The following CTNNA3 variants were observed in gnomAD, a reference collection of about 807,000 sequenced individuals.
CTNNA3 encodes catenin alpha 3, also known as catenin alpha-3.
Under a neutral mutation model 95.7 loss-of-function variants are expected in CTNNA3, and 76 were observed. The observed-to-expected ratio is 0.79, with a 90% CI of 0.66 to 0.96. The LOEUF is 0.96. CTNNA3 is among the 40% of genes least tolerant of loss of function. The probability of loss-of-function intolerance (pLI) is 0.00; values close to 1 mark genes in which losing one functional copy is unlikely to be tolerated. For missense variants in CTNNA3, 1,191 were observed against 1,089.8 expected, an observed-to-expected ratio of 1.09 and a Z score of -1.31; for synonymous variants, 431 against 374.4, an observed-to-expected ratio of 1.15 and a Z score of -1.74.
At chr10:66,181,596 C>T (rs984732498) in intron 13 of CTNNA3, among the ~76,000 whole-genome samples, 5 of 151,996 alleles carry the variant, frequency 3.3e-5, no homozygotes, top group Non-Finnish European at 7.4e-5. Flanking sequence ...TTGTAAAAGC[C>T]CCATTATTAT....
rs549854247 is a variant in CTNNA3 at position 67,607,678 on chromosome 10, G to A, written c.100-629C>T. The stretch of plus-strand genomic sequence containing the variant: ...CATAGTAACATGACTCATTTCCAGT[G>A]CTGTTGGTACACCTACAAAAGTCAA... On this transcript the variant is annotated intron_variant, in intron 2 of 17. Coordinates refer to ENST00000433211, the MANE Select transcript of CTNNA3 (RefSeq NM_013266.4). Among the ~76,000 whole-genome samples the A allele has an allele frequency of 5.3e-5, 8 of 152,294 alleles. 1 individual carries two copies. In the South Asian group the frequency reaches 1.7e-3, roughly 32 times the overall value.
chr10:67,033,349 T>C (rs943483977), intron 7 of CTNNA3, among the ~76,000 whole-genome samples: 2 of 152,206 alleles, frequency 1.3e-5, no homozygotes, highest in African/African-American at 2.4e-5. Flanking sequence ...CTGTGGCTCA[T>C]AGCACAGTTA....
intron 5 of CTNNA3, among the ~76,000 whole-genome samples, chr10:67,441,810 C>T (rs959396592): frequency 1.3e-5 from 2 of 152,048 alleles, no homozygotes; most frequent in African/African-American, 4.8e-5. Context: ...AAAGGGATCT[C>T]TTCAAGCAGA....
intron 9 of CTNNA3, among the ~76,000 whole-genome samples, chr10:66,733,091 T>C (rs1481721348): frequency 6.6e-6 from 1 of 151,508 alleles, no homozygotes; most frequent in East Asian, 2.0e-4. Context: ...CCACCACACC[T>C]GGTCAAGTCA....
intron 10 of CTNNA3, among the ~76,000 whole-genome samples, chr10:66,550,074 C>G (rs1031179378): frequency 6.6e-6 from 1 of 152,072 alleles, no homozygotes; most frequent in South Asian, 2.1e-4. Context: ...AATTGTCTAT[C>G]TCTTAAATTC....
chr10:66,923,732 C>G (rs1369192515), intron 7 of CTNNA3, among the ~76,000 whole-genome samples: 1 of 152,154 alleles, frequency 6.6e-6, no homozygotes, highest in African/African-American at 2.4e-5. Context: ...TATATACCTC[C>G]TTTAAGAATA....
intron 5 of CTNNA3, among the ~76,000 whole-genome samples, chr10:67,244,789 T>C (rs1054090109): frequency 6.6e-6 from 1 of 152,190 alleles, no homozygotes; most frequent in Non-Finnish European, 1.5e-5. Flanking sequence ...GGTATGAAAG[T>C]CAGTTGGCTT....
chr10:66,135,245 A>G (rs2083292780), intron 13 of CTNNA3, among the ~76,000 whole-genome samples: 1 of 152,194 alleles, frequency 6.6e-6, no homozygotes, highest in Admixed American at 6.5e-5. Context: ...AGGAACTAGA[A>G]CTGTTTGGAG....
chr10:66,077,614 T>C (rs1400588894), intron 14 of CTNNA3, among the ~76,000 whole-genome samples: 1 of 151,806 alleles, frequency 6.6e-6, no homozygotes, highest in Non-Finnish European at 1.5e-5. Flanking sequence ...GCATGTATCA[T>C]AATGACAGAA....
chr10:66,856,467 A>C lies in CTNNA3; in HGVS notation c.1048-80943T>G, dbSNP rs1464197973. On this transcript the variant is annotated intron_variant, in intron 7 of 17. Transcript: ENST00000433211. ...TGGATTAAATGGTAATTCTGTTTTT[A>C]GTTTCTTGAGAAATCACCAAACTAC... Among the ~76,000 whole-genome samples the C allele has an allele frequency of 3.3e-5, 5 of 152,058 alleles. No individual in the cohort carries two copies. The East Asian group carries it at 9.6e-4, about 29-fold the overall frequency.
intron 7 of CTNNA3, among the ~76,000 whole-genome samples, chr10:66,964,410 CT>C (rs1849290442): frequency 6.6e-6 from 1 of 151,658 alleles, no homozygotes; most frequent in African/African-American, 2.4e-5. Context: ...CATTTTTAAA[CT>C]GGCACAAAAG....
At position 67,311,641 on chromosome 10, in the gene CTNNA3, G is replaced by T. The variant is rs537562054; in HGVS notation, c.580-91771C>A. On this transcript the variant is annotated intron_variant, in intron 5 of 17. Coordinates refer to ENST00000433211, the MANE Select transcript of CTNNA3 (RefSeq NM_013266.4). ...ATTCAAATCATACCTCAATAAAGTT[G>T]ATTTTAAAAATTGAATGTTTAGTAA... Among the ~76,000 whole-genome samples the T allele has an allele frequency of 2.0e-5, 3 of 152,130 alleles. No homozygotes were observed. In the South Asian group the frequency reaches 6.2e-4, roughly 32 times the overall value.
chr10:67,411,308 C>T (rs1564632512), intron 5 of CTNNA3, among the ~76,000 whole-genome samples: 2 of 152,028 alleles, frequency 1.3e-5, no homozygotes, highest in South Asian at 2.1e-4. Flanking sequence ...ATGTTGTATG[C>T]CATAAATATA....
At chr10:66,123,058 C>A (rs2082652519) in intron 13 of CTNNA3, among the ~76,000 whole-genome samples, 2 of 152,180 alleles carry the variant, frequency 1.3e-5, no homozygotes, top group African/African-American at 2.4e-5. Flanking sequence ...GCCTTCCCAG[C>A]AGTCCACAAA....
In CTNNA3 at chr10:67,324,920, CATT is replaced by C. The variant is rs1841481361; in HGVS notation, c.580-105053_580-105051del. ...TTTATTACGGCTCAATTTCAGAACTCATTATTGATCAATTCAGAGATTCAGTTC... is the reference window on the plus strand; with the variant it reads ...TTTATTACGGCTCAATTTCAGAACTCATTGATCAATTCAGAGATTCAGTTC... On this transcript the variant is annotated intron_variant, in intron 5 of 17. Coordinates refer to ENST00000433211, the MANE Select transcript of CTNNA3 (RefSeq NM_013266.4). Among the ~76,000 whole-genome samples, 3 of 151,998 alleles carry C rather than the reference CATT, an allele frequency of 2.0e-5. No homozygotes were observed. The East Asian group carries it at 5.8e-4, about 29-fold the overall frequency.
intron 10 of CTNNA3, among the ~76,000 whole-genome samples, chr10:66,617,459 C>G (rs979267201): frequency 6.6e-6 from 1 of 152,072 alleles, no homozygotes; most frequent in Admixed American, 6.6e-5. Context: ...AAGACAAAAA[C>G]CACATGATTG....
chr10:66,557,377 A>C (rs1842423776), intron 10 of CTNNA3, among the ~76,000 whole-genome samples: 1 of 152,128 alleles, frequency 6.6e-6, no homozygotes, highest in African/African-American at 2.4e-5. Flanking sequence ...TATCATTCAC[A>C]CAGGTGATGA....
intron 13 of CTNNA3, among the ~76,000 whole-genome samples, chr10:66,209,090 A>T (rs1251206409): frequency 1.3e-5 from 2 of 152,210 alleles, no homozygotes; most frequent in Non-Finnish European, 2.9e-5. Context: ...TCTTCTAATG[A>T]GCTGGCTATA....
chr10:66,219,740 T>G (rs2088805612), intron 13 of CTNNA3, among the ~76,000 whole-genome samples: 1 of 152,232 alleles, frequency 6.6e-6, no homozygotes, highest in East Asian at 1.9e-4. Context: ...CACAGAAACT[T>G]TTGGATAATA....
Sources: allele counts gnomAD v4.1 joint callset (sites outside exome capture counted in the v4.1 genomes callset), GRCh38; gene constraint gnomAD v4.1.1; transcripts MANE v1.5; gene names NCBI Gene and HGNC (gene_info 2026-07-23, HGNC 2026-07-21).